The following LRRTM4 variants were observed in gnomAD, a reference collection of about 807,000 sequenced individuals.
The protein encoded by LRRTM4 is leucine-rich repeat transmembrane neuronal protein 4.
LRRTM4 carries 25 observed loss-of-function variants against 47.6 expected under a neutral mutation model. That is an observed-to-expected ratio of 0.53 (90% CI 0.38 to 0.73). LRRTM4 has a LOEUF of 0.73. LRRTM4 is among the 30% of genes least tolerant of loss of function. LRRTM4 has a pLI of 0.00. For missense variants in LRRTM4, 638 were observed against 713.4 expected, an observed-to-expected ratio of 0.89 and a Z score of 1.20; for synonymous variants, 311 against 269.5, an observed-to-expected ratio of 1.15 and a Z score of -1.51.
Position 77,518,491 on chromosome 2 carries a change from G to A in LRRTM4, c.1378C>T (p.His460Tyr), listed in dbSNP as rs1679322175. Reference protein sequence around the residue: ...YPASMKQLQQHSLMKRRRKKA... With the variant: ...YPASMKQLQQYSLMKRRRKKA... ...TTCCGCCGCCTCTTCATAAGAGAGT[G>A]TTGCTGGAGTTGTTTCATGCTGGCT... The change falls in exon 3 of 4, where the codon CAC (histidine) becomes TAC (tyrosine). Residue 460 changes from histidine to tyrosine, a missense_variant. Physicochemically the swap from His to Tyr is moderately conservative, Grantham distance 83 (BLOSUM62 2). Coordinates refer to ENST00000409884, the MANE Select transcript of LRRTM4 (RefSeq NM_001134745.3). 1.2e-6 allele frequency: 2 copies of A among 1,613,322 alleles called. No homozygotes were observed. Among genetic ancestry groups the A allele is most frequent in the African/African-American group, 1.3e-5 (1 of 74,880 alleles).
intron 3 of LRRTM4, among the ~76,000 whole-genome samples, chr2:77,043,567 CA>C (rs1308496254): frequency 1.3e-5 from 2 of 151,680 alleles, no homozygotes; most frequent in Non-Finnish European, 2.9e-5. Flanking sequence ...TTATAATCAA[CA>C]ATGACACTGC....
At chr2:77,186,733 G>A (rs866650611) in intron 3 of LRRTM4, among the ~76,000 whole-genome samples, 4 of 152,056 alleles carry the variant, frequency 2.6e-5, no homozygotes, top group Admixed American at 6.6e-5. Context: ...TCAATTATAT[G>A]ATTCCTTCAA....
intron 3 of LRRTM4, among the ~76,000 whole-genome samples, chr2:77,021,741 G>A (rs1036501093): frequency 1.3e-5 from 2 of 152,110 alleles, no homozygotes; most frequent in East Asian, 1.9e-4. Context: ...ATATGCTTTT[G>A]GAGCCTCTAA....
chr2:77,128,782 G>A (rs913874380), intron 3 of LRRTM4, among the ~76,000 whole-genome samples: 1 of 151,966 alleles, frequency 6.6e-6, no homozygotes, highest in Non-Finnish European at 1.5e-5. Flanking sequence ...TGGGATTACA[G>A]GCGCCCACCA....
At chr2:77,086,469 TATA>T (rs1234357348) in intron 3 of LRRTM4, among the ~76,000 whole-genome samples, 4 of 148,784 alleles carry the variant, frequency 2.7e-5, no homozygotes, top group African/African-American at 7.6e-5. Flanking sequence ...GCAGGTTACA[TATA>T]ATAATTTTTT....
At chr2:76,835,992 T>C (rs919903718) in intron 3 of LRRTM4, among the ~76,000 whole-genome samples, 1 of 152,050 alleles carries the variant, frequency 6.6e-6, no homozygotes, top group Non-Finnish European at 1.5e-5. Context: ...TCCCAGGGGA[T>C]ATTTCTTTTT....
intron 3 of LRRTM4, among the ~76,000 whole-genome samples, chr2:76,893,892 G>T (rs574614650): frequency 6.6e-6 from 1 of 151,950 alleles, no homozygotes; most frequent in South Asian, 2.1e-4. Flanking sequence ...TGTCTCATAT[G>T]TTTAACATCA....
chr2:76,982,617 C>T (rs188571762), intron 3 of LRRTM4, among the ~76,000 whole-genome samples: 1 of 152,006 alleles, frequency 6.6e-6, no homozygotes, highest in East Asian at 1.9e-4. Context: ...AGTCATGATG[C>T]TGCAGTGTGT....
At chr2:76,848,113 G>T (rs1169596474) in intron 3 of LRRTM4, among the ~76,000 whole-genome samples, 2 of 151,920 alleles carry the variant, frequency 1.3e-5, no homozygotes, top group African/African-American at 4.8e-5. Context: ...TAGATTCTTT[G>T]TGTGTGTTTG....
At chr2:77,055,429 A>C (rs542145844) in intron 3 of LRRTM4, among the ~76,000 whole-genome samples, 5 of 152,332 alleles carry the variant, frequency 3.3e-5, no homozygotes, top group Admixed American at 3.3e-4. Flanking sequence ...GCCAAAAAAC[A>C]CATGAAAAAA....
chr2:77,430,231 T>C (rs1027866848), intron 3 of LRRTM4, among the ~76,000 whole-genome samples: 1 of 152,206 alleles, frequency 6.6e-6, no homozygotes, highest in Non-Finnish European at 1.5e-5. Context: ...AATGTATACA[T>C]ACTTTAAAAC....
At chr2:77,424,997 C>A (rs539873159) in intron 3 of LRRTM4, among the ~76,000 whole-genome samples, 1 of 151,990 alleles carries the variant, frequency 6.6e-6, no homozygotes, top group Non-Finnish European at 1.5e-5. Context: ...TGAATCACAG[C>A]GGCAGACTCT....
intron 3 of LRRTM4, among the ~76,000 whole-genome samples, chr2:76,851,110 A>G (rs936815548): frequency 3.3e-5 from 5 of 152,170 alleles, no homozygotes; most frequent in Non-Finnish European, 7.3e-5. Context: ...GAGCAATTCT[A>G]TTTATCTAAG....
chr2:77,394,563 T>C (rs906616842), intron 3 of LRRTM4, among the ~76,000 whole-genome samples: 3 of 151,890 alleles, frequency 2.0e-5, no homozygotes. Context: ...AGCAGGCACT[T>C]CAAGCGATGT....
rs1427938928 is a variant in LRRTM4, at chr2:77,519,476, T to A, written c.393A>T (p.Pro131=). Reference sequence around the variant, plus strand: ...GGTCCAGATTGCGGAGATTGGGAACTGGGTGAAATGTTTTATTGTGCAGAT... The same window carrying A: ...GGTCCAGATTGCGGAGATTGGGAACAGGGTGAAATGTTTTATTGTGCAGAT... ...ITYLHNKTFH[P]VPNLRNLDLS... Residue 131 remains proline, a synonymous_variant, in exon 3 of 4, where the codon CCA becomes CCT. Transcript: ENST00000409884. The surrounding 1 kb of genome is among the most constrained non-coding windows in gnomAD (Gnocchi z 4.6). The A allele has an allele frequency of 6.2e-7, 1 of 1,613,498 alleles. No homozygotes were observed. The highest frequency in any genetic ancestry group is 8.5e-7 in the Non-Finnish European group (1 of 1,179,652).
At chr2:76,915,850 A>T (rs1409900483) in intron 3 of LRRTM4, among the ~76,000 whole-genome samples, 1 of 152,176 alleles carries the variant, frequency 6.6e-6, no homozygotes, top group Non-Finnish European at 1.5e-5. Context: ...AATATTCAAT[A>T]TCATTCTACT....
rs543950921 is a variant in LRRTM4, at chr2:76,784,849, T to G, written c.1552-35933A>C. 2.6e-5 allele frequency among the ~76,000 whole-genome samples: 4 copies of G among 152,196 alleles called. No individual in the cohort carries two copies. In the South Asian group the frequency reaches 8.3e-4, roughly 31 times the overall value. ...TAAATATACCTTAAAGGAAACTAAC[T>G]GTTCAGCCCAGCATGTAGTGAATGC... On this transcript the variant is annotated intron_variant, in intron 3 of 3. Transcript: ENST00000409884.
At chr2:77,245,738 C>T (rs1472118576) in intron 3 of LRRTM4, among the ~76,000 whole-genome samples, 1 of 151,946 alleles carries the variant, frequency 6.6e-6, no homozygotes, top group East Asian at 1.9e-4. Flanking sequence ...TTAACATCTA[C>T]ATGTAGCATG....
chr2:77,403,620 C>T (rs1048390041), intron 3 of LRRTM4, among the ~76,000 whole-genome samples: 3 of 151,776 alleles, frequency 2.0e-5, no homozygotes, highest in African/African-American at 7.3e-5. Context: ...TGTTTTCTAA[C>T]TTCTCAGCAT....
Sources: gnomAD v4.1 joint callset for allele counts (sites outside exome capture counted in the v4.1 genomes callset) on GRCh38, gnomAD v4.1.1 for gene constraint, Gnocchi (gnomAD v3.1) non-coding constraint, MANE v1.5 for transcripts, NCBI Gene and HGNC (gene_info 2026-07-23, HGNC 2026-07-21) for gene names.